The following DGKB variants were observed in gnomAD, a reference collection of about 807,000 sequenced individuals.
DGKB encodes 90 kDa diacylglycerol kinase.
A neutral mutation model predicts 114.3 loss-of-function variants in DGKB; 67 were observed. That is an observed-to-expected ratio of 0.59 (90% confidence interval 0.48 to 0.72). The LOEUF (loss-of-function observed/expected upper bound fraction) is 0.72. Among genes scored for constraint, DGKB ranks in the 30% least tolerant of loss-of-function variants. The pLI is 0.00. For synonymous variants in DGKB, 398 were observed against 323.1 expected (o/e 1.23, Z -2.49); for missense variants, 907 against 975.2 (o/e 0.93, Z 0.93).
At chr7:14,967,949 C>G (rs939175164) in intron 1 of DGKB, among the ~76,000 whole-genome samples, 1 of 151,984 alleles carries the variant, frequency 6.6e-6, no homozygotes, top group Non-Finnish European at 1.5e-5. Flanking sequence ...CTAATAATTA[C>G]TGAGGATTAA....
intron 1 of DGKB, among the ~76,000 whole-genome samples, chr7:14,846,238 C>A (rs928591768): frequency 2.6e-5 from 4 of 152,090 alleles, no homozygotes; most frequent in African/African-American, 7.2e-5. Flanking sequence ...TATTCCAATA[C>A]CAAAATGCTT....
intron 21 of DGKB, among the ~76,000 whole-genome samples, chr7:14,430,802 G>C (rs909311189): frequency 6.6e-6 from 1 of 152,068 alleles, no homozygotes; most frequent in Non-Finnish European, 1.5e-5. Context: ...TGTTACAGAA[G>C]TACTTTATGA....
chr7:14,952,547 A>T (rs535660495), intron 1 of DGKB, among the ~76,000 whole-genome samples: 2 of 99,854 alleles, frequency 2.0e-5, no homozygotes, highest in South Asian at 3.1e-4. Flanking sequence ...CCTCAAAATT[A>T]AAAAAAAAAT....
intron 20 of DGKB, among the ~76,000 whole-genome samples, chr7:14,516,955 A>AT (rs1005762700): frequency 2.0e-5 from 3 of 151,208 alleles, no homozygotes; most frequent in African/African-American, 7.3e-5. Flanking sequence ...GAAAAAAAAA[A>AT]TTTTAAATTC....
At chr7:14,164,718 A>G (rs1013375542) in intron 25 of DGKB, among the ~76,000 whole-genome samples, 1 of 152,202 alleles carries the variant, frequency 6.6e-6, no homozygotes, top group Non-Finnish European at 1.5e-5. Context: ...AAGATGTCAA[A>G]TACTGTCCCA....
At chr7:14,611,389 GA>G (rs1805515258) in intron 16 of DGKB, among the ~76,000 whole-genome samples, 1 of 152,036 alleles carries the variant, frequency 6.6e-6, no homozygotes, top group Non-Finnish European at 1.5e-5. Flanking sequence ...GATTGATATG[GA>G]AAAGTTTATG....
chr7:14,929,868 G>A (rs925285410), intron 1 of DGKB, among the ~76,000 whole-genome samples: 2 of 152,132 alleles, frequency 1.3e-5, no homozygotes, highest in Admixed American at 6.6e-5. Context: ...TTACGTTTAA[G>A]TCTTTAATCC....
chr7:14,364,948 A>C (rs1037818900), intron 21 of DGKB, among the ~76,000 whole-genome samples: 1 of 152,052 alleles, frequency 6.6e-6, no homozygotes, highest in South Asian at 2.1e-4. Context: ...AACGTGTCAC[A>C]TAAGTGAATA....
intron 1 of DGKB, among the ~76,000 whole-genome samples, chr7:14,870,033 C>T (rs893866885): frequency 6.6e-6 from 1 of 152,096 alleles, no homozygotes; most frequent in Non-Finnish European, 1.5e-5. Flanking sequence ...AATATTGAGA[C>T]CCAGAGTTGC....
At chr7:14,718,707 T>C (rs779292645) in intron 5 of DGKB, 22 bp from the exon 6 acceptor site, 36 of 1,580,064 alleles carry the variant, frequency 2.3e-5, no homozygotes, top group Non-Finnish European at 3.0e-5. Flanking sequence ...ATTGTCTTTA[T>C]ATTTTGTTAA....
intron 17 of DGKB, among the ~76,000 whole-genome samples, chr7:14,591,088 A>C (rs1801629999): frequency 6.6e-6 from 1 of 152,276 alleles, no homozygotes; most frequent in South Asian, 2.1e-4. Flanking sequence ...GAGTCTCAGC[A>C]AGAGCCAAAA....
intron 23 of DGKB, among the ~76,000 whole-genome samples, chr7:14,202,926 T>C (rs1390878957): frequency 6.6e-6 from 1 of 151,976 alleles, no homozygotes; most frequent in Non-Finnish European, 1.5e-5. Context: ...ATTTTAATGC[T>C]GAAGAGGCAC....
At chr7:14,387,782 CA>C (rs933383124) in intron 21 of DGKB, among the ~76,000 whole-genome samples, 8 of 151,802 alleles carry the variant, frequency 5.3e-5, no homozygotes, top group African/African-American at 1.9e-4. Flanking sequence ...TTTTCCTTTT[CA>C]ACATTTTTAT....
intron 2 of DGKB, among the ~76,000 whole-genome samples, chr7:14,825,016 G>GTGTA (rs1480765381): frequency 0.037 from 3,377 of 92,270 alleles, 145 homozygotes; most frequent in South Asian, 0.05. Flanking sequence ...GTATGTGTAT[G>GTGTA]TATATATATA....
intron 23 of DGKB, among the ~76,000 whole-genome samples, chr7:14,240,983 G>C (rs560141055): frequency 6.6e-6 from 1 of 152,166 alleles, no homozygotes; most frequent in South Asian, 2.1e-4. Flanking sequence ...TTAATATCAA[G>C]TCAGCTCTGT....
At chr7:14,164,360 A>AAT (rs1485279075) in intron 25 of DGKB, among the ~76,000 whole-genome samples, 2 of 152,204 alleles carry the variant, frequency 1.3e-5, no homozygotes, top group African/African-American at 4.8e-5. Context: ...TTAACTAGAA[A>AAT]ATAATATTAT....
intron 25 of DGKB, among the ~76,000 whole-genome samples, chr7:14,174,114 C>A (rs559369541): frequency 6.6e-6 from 1 of 151,964 alleles, no homozygotes; most frequent in African/African-American, 2.4e-5. Context: ...AAAGGTAGTC[C>A]GTCATTTACC....
chr7:14,720,473 T>TTGTGTGTGTGTG lies in DGKB; in HGVS notation c.323-1800_323-1789dup, dbSNP rs61654464. Among the ~76,000 whole-genome samples, 435 of 136,540 alleles carry TTGTGTGTGTGTG rather than the reference T, an allele frequency of 3.2e-3. 2 individuals are homozygous for TTGTGTGTGTGTG. The highest frequency in any genetic ancestry group is 0.012 in the African/African-American group (407 of 35,084). The allele number at this position is 136,540 out of a possible 152,430, so 89.6% of individuals were successfully genotyped here. A position where few individuals can be genotyped will look rare whatever the true frequency, so the allele number is the denominator to read the frequency against. On this transcript the variant is annotated intron_variant, in intron 5 of 25. Transcript: ENST00000402815. The stretch of plus-strand genomic sequence containing the variant: ...GTGCGGGACACCACGCCCGGCTGAT[T>TTGTGTGTGTGTG]TGTGTGTGTGTGTGTGTGTGTGTGT...
intron 23 of DGKB, among the ~76,000 whole-genome samples, chr7:14,319,608 A>G (rs934162043): frequency 1.3e-5 from 2 of 152,152 alleles, no homozygotes; most frequent in African/African-American, 2.4e-5. Context: ...GGATCCTGAG[A>G]CTAAAAGTTT....
Sources: gnomAD v4.1 joint callset for allele counts (sites outside exome capture counted in the v4.1 genomes callset) on GRCh38, gnomAD v4.1.1 for gene constraint, MANE v1.5 for transcripts, NCBI Gene and HGNC (gene_info 2026-07-23, HGNC 2026-07-21) for gene names.